The following CACNA2D3 variants were observed in gnomAD, a reference collection of about 807,000 sequenced individuals.
The protein encoded by CACNA2D3 is calcium voltage-gated channel auxiliary subunit alpha2delta 3.
A neutral mutation model predicts 160.6 loss-of-function variants in CACNA2D3; 60 were observed. The ratio of observed to expected loss-of-function variants is 0.37; its 90% CI spans 0.30 to 0.46. CACNA2D3 has a LOEUF of 0.46. CACNA2D3 is among the 20% of genes least tolerant of loss of function. The pLI, the probability that CACNA2D3 is intolerant of heterozygous loss-of-function variation, is 1.00. For synonymous variants in CACNA2D3, 558 were observed against 492.9 expected, an observed-to-expected ratio of 1.13 and a Z score of -1.75; for missense variants, 1,205 against 1,365.0, an observed-to-expected ratio of 0.88 and a Z score of 1.85.
chr3:54,322,616 T>C (rs1279711049), intron 3 of CACNA2D3, among the ~76,000 whole-genome samples: 2 of 152,166 alleles, frequency 1.3e-5, no homozygotes, highest in Non-Finnish European at 2.9e-5. Context: ...TTTATTTAGC[T>C]CAGTGTCTGG....
intron 27 of CACNA2D3, chr3:54,918,844 C>G: frequency 6.3e-7 from 1 of 1,581,076 alleles, no homozygotes; most frequent in East Asian, 2.3e-5. Context: ...GAGGTCCTTT[C>G]CCTTCCAGGT....
chr3:54,527,878 G>A (rs1293682685), intron 5 of CACNA2D3, among the ~76,000 whole-genome samples: 1 of 152,172 alleles, frequency 6.6e-6, no homozygotes, highest in Non-Finnish European at 1.5e-5. Flanking sequence ...TTCTTACTGA[G>A]TTTTAGTGGG....
chr3:54,441,835 G>A (rs895812593), intron 4 of CACNA2D3, among the ~76,000 whole-genome samples: 3 of 152,130 alleles, frequency 2.0e-5, no homozygotes, highest in African/African-American at 7.2e-5. Flanking sequence ...GAATAATGAC[G>A]AATGATATAT....
chr3:55,074,365 TAA>T lies in CACNA2D3; in HGVS notation c.*161_*162del, dbSNP rs1357661225. On this transcript the variant is annotated 3_prime_UTR_variant, in exon 38 of 38. Coordinates refer to ENST00000474759, the MANE Select transcript of CACNA2D3 (RefSeq NM_018398.3). ...TTAAACTGTGCGTGATATAAACTCTTAAAGATATGTTGACAAAAAGTTATCTA... is the reference window on the plus strand; with the variant it reads ...TTAAACTGTGCGTGATATAAACTCTTAGATATGTTGACAAAAAGTTATCTA... 8 of 613,744 alleles carry T rather than the reference TAA, an allele frequency of 1.3e-5. No individual in the cohort carries two copies. Among genetic ancestry groups the T allele is most frequent in the South Asian group, 4.0e-5 (2 of 49,828 alleles). 38.0% of individuals were successfully genotyped at this position (613,744 alleles called of 1,614,324 possible).
At chr3:54,626,505 C>A in intron 9 of CACNA2D3, 2 of 1,607,732 alleles carry the variant, frequency 1.2e-6, no homozygotes, top group Non-Finnish European at 1.7e-6. Flanking sequence ...GCGTCTACAA[C>A]GGCAAGACCT....
intron 5 of CACNA2D3, among the ~76,000 whole-genome samples, chr3:54,523,794 A>G (rs959908374): frequency 2.0e-5 from 3 of 152,046 alleles, no homozygotes; most frequent in Non-Finnish European, 4.4e-5. Context: ...ATTGGCATAC[A>G]GTTGTTTATA....
chr3:55,042,410 GTCTTTA>G (rs1394849412), intron 35 of CACNA2D3, among the ~76,000 whole-genome samples: 1 of 151,984 alleles, frequency 6.6e-6, no homozygotes, highest in Non-Finnish European at 1.5e-5. Context: ...GAATATGGCC[GTCTTTA>G]TCTCTGGTGA....
At chr3:54,129,842 CTG>C (rs1699673331) in intron 2 of CACNA2D3, among the ~76,000 whole-genome samples, 4 of 152,176 alleles carry the variant, frequency 2.6e-5, no homozygotes, top group Non-Finnish European at 5.9e-5. Flanking sequence ...GTGTGCGTGC[CTG>C]TGCCAATAAA....
intron 2 of CACNA2D3, among the ~76,000 whole-genome samples, chr3:54,232,244 A>G (rs1343037068): frequency 6.6e-6 from 1 of 152,156 alleles, no homozygotes; most frequent in Admixed American, 6.5e-5. Flanking sequence ...TGGTTACTGA[A>G]TCCTTTGAAG....
chr3:54,590,558 T>C (rs1702838817), intron 9 of CACNA2D3, among the ~76,000 whole-genome samples: 1 of 151,996 alleles, frequency 6.6e-6, no homozygotes, highest in Non-Finnish European at 1.5e-5. Context: ...TTGTAACATG[T>C]CATTGAAGAA....
chr3:54,782,906 G>A (rs1028322350), intron 13 of CACNA2D3, among the ~76,000 whole-genome samples: 3 of 152,106 alleles, frequency 2.0e-5, no homozygotes, highest in African/African-American at 7.2e-5. Context: ...AATAACTGGG[G>A]TACTAAGAGC....
intron 3 of CACNA2D3, among the ~76,000 whole-genome samples, chr3:54,330,697 C>CA (rs1291656767): frequency 6.6e-6 from 1 of 152,218 alleles, no homozygotes; most frequent in Non-Finnish European, 1.5e-5. Flanking sequence ...CAGTCAGACT[C>CA]ATAGGGGAGC....
chr3:54,446,186 C>T (rs1370296563), intron 4 of CACNA2D3, among the ~76,000 whole-genome samples: 1 of 152,178 alleles, frequency 6.6e-6, no homozygotes, highest in South Asian at 2.1e-4. Context: ...ATTTCAACAA[C>T]CTTCATGTCT....
At chr3:54,193,864 G>A (rs563052928) in intron 2 of CACNA2D3, among the ~76,000 whole-genome samples, 6 of 152,154 alleles carry the variant, frequency 3.9e-5, no homozygotes, top group Non-Finnish European at 8.8e-5. Flanking sequence ...TTGCTTCTCT[G>A]TGCCTCAATT....
At chr3:55,059,947 G>T (rs538759563) in intron 35 of CACNA2D3, among the ~76,000 whole-genome samples, 2 of 151,924 alleles carry the variant, frequency 1.3e-5, no homozygotes, top group African/African-American at 4.8e-5. Context: ...TTATCTGCTC[G>T]TCTGCTTGTA....
At chr3:54,342,919 T>C (rs927228237) in intron 3 of CACNA2D3, among the ~76,000 whole-genome samples, 27 of 152,096 alleles carry the variant, frequency 1.8e-4, no homozygotes, top group African/African-American at 5.3e-4. Flanking sequence ...CAGAGGAGCA[T>C]GAGGCCCGGG....
chr3:54,709,011 CTTTT>C (rs35102613), intron 11 of CACNA2D3, among the ~76,000 whole-genome samples: 3 of 142,142 alleles, frequency 2.1e-5, no homozygotes, highest in African/African-American at 2.6e-5. Flanking sequence ...CCATCTTCAT[CTTTT>C]TTTTTTTTTT....
intron 5 of CACNA2D3, among the ~76,000 whole-genome samples, chr3:54,556,360 A>G (rs539280033): frequency 6.6e-6 from 1 of 152,226 alleles, no homozygotes; most frequent in Non-Finnish European, 1.5e-5. Context: ...GGAGGTGGAG[A>G]TGGAAATAAT....
At chr3:54,203,509 G>C (rs184450725) in intron 2 of CACNA2D3, among the ~76,000 whole-genome samples, 1 of 152,180 alleles carries the variant, frequency 6.6e-6, no homozygotes, top group Non-Finnish European at 1.5e-5. Flanking sequence ...TCTGTATCCC[G>C]GGTTCTTGCC....
Sources: gnomAD v4.1 joint callset for allele counts (sites outside exome capture counted in the v4.1 genomes callset) on GRCh38, gnomAD v4.1.1 for gene constraint, MANE v1.5 for transcripts, NCBI Gene and HGNC (gene_info 2026-07-23, HGNC 2026-07-21) for gene names.